The following UHRF1 variants were observed in gnomAD, a reference collection of about 807,000 sequenced individuals.
The protein encoded by UHRF1 is E3 ubiquitin-protein ligase UHRF1.
A neutral mutation model predicts 96.5 loss-of-function variants in UHRF1; 9 were observed. That is an observed-to-expected ratio of 0.09 (90% CI 0.06 to 0.16). The LOEUF (loss-of-function observed/expected upper bound fraction) is 0.16. Ranked by LOEUF, UHRF1 falls within the 10% of genes least tolerant of loss-of-function variation. UHRF1 has a pLI of 1.00. For missense variants in UHRF1, 626 were observed against 1,131.1 expected (o/e 0.55, Z 6.40); for synonymous variants, 455 against 469.9 (o/e 0.97, Z 0.41).
intron 13 of UHRF1, among the ~76,000 whole-genome samples, chr19:4,952,677 T>C (rs1335057763): frequency 6.6e-6 from 1 of 151,796 alleles, no homozygotes; most frequent in East Asian, 1.9e-4. Flanking sequence ...CCGCTGACCC[T>C]GGCCAGGATT....
chr19:4,911,793 G>C (rs1211669674), intron 2 of UHRF1, among the ~76,000 whole-genome samples: 1 of 152,162 alleles, frequency 6.6e-6, no homozygotes, highest in East Asian at 1.9e-4. Context: ...ACTGGGAGTG[G>C]GGTTTCCCGG....
intron 5 of UHRF1, among the ~76,000 whole-genome samples, chr19:4,936,586 C>G (rs2033222616): frequency 6.6e-6 from 1 of 152,104 alleles, no homozygotes; most frequent in African/African-American, 2.4e-5. Flanking sequence ...TGTGGGGGGT[C>G]AATTCATTCA....
chr19:4,956,654 C>T (rs1156815996), intron 15 of UHRF1, 55 bp from the exon 16 acceptor site: 2 of 1,134,760 alleles, frequency 1.8e-6, no homozygotes, highest in Non-Finnish European at 1.3e-6. Flanking sequence ...AGCCACTGAT[C>T]TGTGGGAGCC....
At chr19:4,935,821 C>G (rs2033199289) in intron 5 of UHRF1, among the ~76,000 whole-genome samples, 1 of 152,118 alleles carries the variant, frequency 6.6e-6, no homozygotes, top group African/African-American at 2.4e-5. Context: ...GCGTGGTTGC[C>G]AGGAGGTGGG....
At chr19:4,916,567 G>A (rs1016638374) in intron 2 of UHRF1, among the ~76,000 whole-genome samples, 2 of 152,232 alleles carry the variant, frequency 1.3e-5, no homozygotes, top group African/African-American at 4.8e-5. Flanking sequence ...CGGCCGGGTC[G>A]AAGGGCAGAG....
In UHRF1 at chr19:4,954,432, A is replaced by G; in HGVS notation, c.1901A>G (p.Glu634Gly). The part of the protein sequence containing the change: ...NSKREEEEQQ[E>G]GGFASPRTGK... ...AAGAGGGAGGAGGAGGAGCAGCAGG[A>G]GGGGGGCTTCGCGTCCCCCAGGACG... Residue 634 changes from glutamate (E) to glycine (G), a missense_variant, in exon 14 of 17, where the codon GAG becomes GGG. Physicochemically the swap from Glu to Gly is moderately conservative, Grantham distance 98. Transcript: ENST00000650932. The surrounding 1 kb of genome is among the most constrained non-coding windows in gnomAD (Gnocchi z 5.9). 4 of 1,613,578 alleles carry G rather than the reference A, an allele frequency of 2.5e-6. No individual in the cohort carries two copies. The highest frequency in any genetic ancestry group is 3.4e-6 in the Non-Finnish European group (4 of 1,179,742).
At chr19:4,904,279 T>C (rs182363987) in intron 1 of UHRF1, among the ~76,000 whole-genome samples, 26 of 152,074 alleles carry the variant, frequency 1.7e-4, no homozygotes, top group African/African-American at 3.9e-4. Flanking sequence ...CCCGTGTTCA[T>C]GCCATTCTCC....
intron 2 of UHRF1, among the ~76,000 whole-genome samples, chr19:4,915,426 A>G (rs2032457076): frequency 6.6e-6 from 1 of 152,240 alleles, no homozygotes; most frequent in African/African-American, 2.4e-5. Context: ...TTATAAAAAC[A>G]GGTATGGCGG....
Position 4,929,414 on chromosome 19 carries a change from G to A in UHRF1, c.346G>A (p.Glu116Lys). The A allele has an allele frequency of 1.2e-6, 2 of 1,613,734 alleles. No homozygotes were observed. Among genetic ancestry groups the A allele is most frequent in the Non-Finnish European group, 1.7e-6 (2 of 1,179,868 alleles). The change falls in exon 3 of 17, where the codon GAG becomes AAG. Residue 116 changes from glutamate to lysine, a missense_variant. Glu to Lys is a moderately conservative substitution (Grantham distance 56, BLOSUM62 1). Coordinates refer to ENST00000650932, the MANE Select transcript of UHRF1 (RefSeq NM_001048201.3). The stretch of plus-strand genomic sequence containing the variant: ...CTCCACCCACGGTGAGGCGGCCGCC[G>A]AGACTGACAGCAGGCCAGCCGATGA... ...KSSTHGEAAAETDSRPADEDM... is the reference protein window; with the variant it reads ...KSSTHGEAAAKTDSRPADEDM...
At chr19:4,957,741 C>T (rs2145224413) in intron 16 of UHRF1, among the ~76,000 whole-genome samples, 1 of 152,306 alleles carries the variant, frequency 6.6e-6, no homozygotes, top group South Asian at 2.1e-4. Context: ...TGAGCAGCAT[C>T]CCCGGCCCCC....
chr19:4,931,536 C>T (rs2033052693), intron 4 of UHRF1, among the ~76,000 whole-genome samples: 3 of 150,916 alleles, frequency 2.0e-5, no homozygotes, highest in Admixed American at 1.3e-4. Flanking sequence ...GGCGTGGTCT[C>T]AGCTCACTGC....
chr19:4,906,609 C>T (rs958710970), upstream of UHRF1, among the ~76,000 whole-genome samples: 33 of 152,016 alleles, frequency 2.2e-4, no homozygotes, highest in African/African-American at 5.1e-4. Flanking sequence ...AAAAATTAGC[C>T]GGACATGGTG....
At chr19:4,906,883 C>A (rs1333576281), upstream of UHRF1, among the ~76,000 whole-genome samples, 1 of 152,240 alleles carries the variant, frequency 6.6e-6, no homozygotes, top group Non-Finnish European at 1.5e-5. Context: ...CAGGTGCTGT[C>A]ATTTTGGAAG....
rs2033979735 is a variant in UHRF1 at position 4,961,268 on chromosome 19, G to T, written c.*465G>T. On this transcript the variant is annotated 3_prime_UTR_variant, in exon 17 of 17. Transcript: ENST00000650932. ...TTTGTCATCTAAAGTCCAGTGACAT[G>T]GTTCCCCGTGGTGGCCCGTGGCAGC... is the stretch of plus-strand genomic sequence containing the variant. 9.1e-6 allele frequency: 1 copy of T among 110,440 alleles called. No homozygotes were observed. Among genetic ancestry groups the T allele is most frequent in the Non-Finnish European group, 1.8e-5 (1 of 54,170 alleles). 6.8% of individuals were successfully genotyped at this position (110,440 alleles called of 1,614,324 possible).
intron 11 of UHRF1, among the ~76,000 whole-genome samples, chr19:4,948,656 G>T (rs1456340521): frequency 6.6e-6 from 1 of 151,894 alleles, no homozygotes; most frequent in East Asian, 1.9e-4. Flanking sequence ...ACAAAAATTA[G>T]CTGGGTGTGG....
chr19:4,904,263 C>T (rs2032015201), intron 1 of UHRF1, among the ~76,000 whole-genome samples: 1 of 152,092 alleles, frequency 6.6e-6, no homozygotes, highest in Admixed American at 6.6e-5. Flanking sequence ...ACTGCAAGCT[C>T]CGCCTCCCGT....
chr19:4,904,370 G>A (rs923486238), intron 1 of UHRF1, among the ~76,000 whole-genome samples: 73 of 152,068 alleles, frequency 4.8e-4, no homozygotes, highest in Non-Finnish European at 1.5e-4. Flanking sequence ...TAGTAGAGAC[G>A]GGGTTTCATC....
intron 2 of UHRF1, among the ~76,000 whole-genome samples, chr19:4,927,071 A>G (rs1305001273): frequency 6.6e-6 from 1 of 151,756 alleles, no homozygotes; most frequent in South Asian, 2.1e-4. Flanking sequence ...AAAACAAAAA[A>G]CAAAACAAAA....
intron 2 of UHRF1, among the ~76,000 whole-genome samples, chr19:4,923,898 C>T (rs540431953): frequency 6.6e-6 from 1 of 152,318 alleles, no homozygotes; most frequent in Non-Finnish European, 1.5e-5. Flanking sequence ...ATGAGTGCCC[C>T]ATCCATCCCT....
Sources: allele counts gnomAD v4.1 joint callset (sites outside exome capture counted in the v4.1 genomes callset), GRCh38; gene constraint gnomAD v4.1.1; non-coding constraint Gnocchi (gnomAD v3.1); transcripts MANE v1.5; gene names NCBI Gene and HGNC (gene_info 2026-07-23, HGNC 2026-07-21).